The following ITGB4 variants were observed in gnomAD, a reference collection of about 807,000 sequenced individuals.
The protein encoded by ITGB4 is integrin subunit beta 4.
ITGB4 carries 159 observed loss-of-function variants against 207.6 expected under a neutral mutation model. That is an observed-to-expected ratio of 0.77 (90% CI 0.67 to 0.87). ITGB4 has a LOEUF of 0.87. Among genes scored for constraint, ITGB4 ranks in the 40% least tolerant of loss-of-function variants. The pLI, the probability that ITGB4 is intolerant of heterozygous loss-of-function variation, is 0.00. For missense variants in ITGB4, 2,278 were observed against 2,546.8 expected (o/e 0.89, Z 2.27); for synonymous variants, 1,020 against 1,062.7 (o/e 0.96, Z 0.78).
In ITGB4 at chr17:75,727,314, G is replaced by T. The variant is rs1316407048; in HGVS notation, c.162+37G>T. On this transcript the variant is annotated intron_variant, in intron 3 of 39. Transcript: ENST00000200181. The surrounding 1 kb of genome is among the most constrained non-coding windows in gnomAD (Gnocchi z 6.0). ...GCCCGGGTTGGTGTGGAACAGGCAAGGGTCGGGAATAGCTGGTGGAAATGA... is the reference window on the plus strand; with the variant it reads ...GCCCGGGTTGGTGTGGAACAGGCAATGGTCGGGAATAGCTGGTGGAAATGA... The T allele has an allele frequency of 8.7e-6, 14 of 1,612,824 alleles. No homozygotes were observed. The highest frequency in any genetic ancestry group is 1.2e-5 in the Non-Finnish European group (14 of 1,179,248).
chr17:75,728,433 G>A lies in ITGB4; in HGVS notation c.526G>A (p.Asp176Asn). The change falls in exon 6 of 40, where the codon GAC (aspartate) becomes AAC (asparagine). Residue 176 changes from aspartate to asparagine, a missense_variant. Transcript: ENST00000200181. ...DYTIGFGKFVDKVSVPQTDMR... is the reference protein window; with the variant it reads ...DYTIGFGKFVNKVSVPQTDMR... ...CACTATTGGATTTGGCAAGTTTGTGGACAAAGTCAGCGTCCCGCAGACGGA... is the reference window on the plus strand; with the variant it reads ...CACTATTGGATTTGGCAAGTTTGTGAACAAAGTCAGCGTCCCGCAGACGGA... The A allele has an allele frequency of 1.2e-6, 2 of 1,614,160 alleles. No homozygotes were observed. The highest frequency in any genetic ancestry group is 1.7e-6 in the Non-Finnish European group (2 of 1,180,022).
At chr17:75,749,375 C>A (rs568109054) in intron 27 of ITGB4, among the ~76,000 whole-genome samples, 1 of 151,272 alleles carries the variant, frequency 6.6e-6, no homozygotes, top group African/African-American at 2.4e-5. Context: ...AAAAAATAAA[C>A]AAATTAGCTT....
chr17:75,739,953 GC>G lies in ITGB4; in HGVS notation c.2331del (p.Met778CysfsTer56), dbSNP rs1232377232. The G allele has an allele frequency of 1.5e-5, 25 of 1,613,164 alleles. No homozygotes were observed. Among genetic ancestry groups the G allele is most frequent in the Non-Finnish European group, 2.0e-5 (24 of 1,180,036 alleles). On this transcript the variant is annotated frameshift_variant, in exon 20 of 40. Coordinates refer to ENST00000200181, the MANE Select transcript of ITGB4 (RefSeq NM_000213.5). LOFTEE classifies it high-confidence loss of function. This position sits in a 1 kb window ranked among gnomAD's most constrained non-coding sequence, Gnocchi z 5.4. ...TGATGGCCTCTGACCACTTGGACAC[GC>G]CCATGCTGCGCAGCGGGAACCTCAA... ...NLMASDHLDT[P>X]MLRSGNLKGR...
chr17:75,750,585 G>C lies in ITGB4; in HGVS notation c.3475-95G>C. 8.7e-7 allele frequency: 1 copy of C among 1,152,740 alleles called. No homozygotes were observed. The highest frequency in any genetic ancestry group is 1.3e-5 in the South Asian group (1 of 77,420). The allele number at this position is 1,152,740 out of a possible 1,614,324, so 71.4% of individuals were successfully genotyped here. A position where few individuals can be genotyped will look rare whatever the true frequency, so the allele number is the denominator to read the frequency against. Reference sequence around the variant, plus strand: ...AGCCCCTCCCTCGGGCCTCATCTGTGCAAAGAGGACAGTAAGGGCAGAGGT... The same window carrying C: ...AGCCCCTCCCTCGGGCCTCATCTGTCCAAAGAGGACAGTAAGGGCAGAGGT... On this transcript the variant is annotated intron_variant, in intron 28 of 39. Coordinates refer to ENST00000200181, the MANE Select transcript of ITGB4 (RefSeq NM_000213.5). The surrounding 1 kb of genome is among the most constrained non-coding windows in gnomAD (Gnocchi z 5.5).
intron 27 of ITGB4, 99 bp downstream of exon 27, chr17:75,749,144 G>A (rs946172571): frequency 1.3e-5 from 12 of 947,046 alleles, no homozygotes; most frequent in South Asian, 2.8e-5. Flanking sequence ...AACACAGGAC[G>A]CCCAGGTAAA....
Position 75,732,104 on chromosome 17 carries a change from GT to G in ITGB4, c.1378-58del. The G allele has an allele frequency of 6.2e-7, 1 of 1,608,152 alleles. No individual in the cohort carries two copies. The highest frequency in any genetic ancestry group is 8.5e-7 in the Non-Finnish European group (1 of 1,175,022). On this transcript the variant is annotated intron_variant, in intron 11 of 39. Transcript: ENST00000200181. The surrounding 1 kb of genome is among the most constrained non-coding windows in gnomAD (Gnocchi z 5.3). ...CCGAGGCACACAGGAGAGCGGAAGTGTCCAGTGGCCCCGGTCCTGCTCCCCC... is the reference window on the plus strand; with the variant it reads ...CCGAGGCACACAGGAGAGCGGAAGTGCCAGTGGCCCCGGTCCTGCTCCCCC...
chr17:75,748,197 CAAAAAAAAA>C (rs57537115), intron 26 of ITGB4, among the ~76,000 whole-genome samples: 4,638 of 78,660 alleles, frequency 0.059, 292 homozygotes, highest in African/African-American at 0.21. Flanking sequence ...CGTGCCTCTA[CAAAAAAAAA>C]AAAAAAAAAA....
chr17:75,742,449 C>T lies in ITGB4; in HGVS notation c.2742C>T (p.Leu914=), dbSNP rs1463514592. The T allele has an allele frequency of 1.9e-6, 3 of 1,613,122 alleles. No homozygotes were observed. The African/African-American group carries it at 4.0e-5, about 22-fold the overall frequency. Residue 914 remains leucine (L), a synonymous_variant, in exon 24 of 40, where the codon CTC becomes CTT. Coordinates refer to ENST00000200181, the MANE Select transcript of ITGB4 (RefSeq NM_000213.5). This position sits in a 1 kb window ranked among gnomAD's most constrained non-coding sequence, Gnocchi z 5.9. ...KQVEQRAFHD[L]KVAPGYYTLT... ...TGGAACAGAGGGCCTTCCACGACCT[C>T]AAGGTGGCCCCCGGCTACTACACCC...
Position 75,728,423 on chromosome 17 carries a change from C to T in ITGB4, c.516C>T (p.Gly172=). Reference sequence around the variant, plus strand: ...CCAGCGACTACACTATTGGATTTGGCAAGTTTGTGGACAAAGTCAGCGTCC... The same window carrying T: ...CCAGCGACTACACTATTGGATTTGGTAAGTTTGTGGACAAAGTCAGCGTCC... ...QLTSDYTIGF[G]KFVDKVSVPQ... Residue 172 remains glycine (G), a synonymous_variant, in exon 6 of 40, where the codon GGC becomes GGT. Coordinates refer to ENST00000200181, the MANE Select transcript of ITGB4 (RefSeq NM_000213.5). 1 of 1,614,134 alleles carries T rather than the reference C, an allele frequency of 6.2e-7. No homozygotes were observed. Among genetic ancestry groups the T allele is most frequent in the Non-Finnish European group, 8.5e-7 (1 of 1,179,994 alleles).
Position 75,742,387 on chromosome 17 carries a change from G to A in ITGB4, c.2680G>A (p.Ala894Thr), listed in dbSNP as rs1449193188. The A allele has an allele frequency of 1.2e-6, 2 of 1,613,346 alleles. No homozygotes were observed. The highest frequency in any genetic ancestry group is 1.1e-5 in the South Asian group (1 of 91,080). The stretch of plus-strand genomic sequence containing the variant: ...CACAGTGCTGATGGCGCCCCGCTCG[G>A]CCAAGCCGGCCCTGCTGAAGCTTAC... ...VDTVLMAPRSAKPALLKLTEK... is the reference protein window; with the variant it reads ...VDTVLMAPRSTKPALLKLTEK... Residue 894 changes from alanine to threonine, a missense_variant, in exon 24 of 40, where the codon GCC (alanine) becomes ACC (threonine). By Grantham distance (58) the Ala-to-Thr change is moderately conservative. Coordinates refer to ENST00000200181, the MANE Select transcript of ITGB4 (RefSeq NM_000213.5). The surrounding 1 kb of genome is among the most constrained non-coding windows in gnomAD (Gnocchi z 5.9).
chr17:75,731,688 G>A lies in ITGB4; in HGVS notation c.1216-124G>A. The stretch of plus-strand genomic sequence containing the variant: ...GAGTTTCCAGCCCTGAGGGAGGTGA[G>A]CAGGAGCTCATTTCAGGGATCCAGA... On this transcript the variant is annotated intron_variant, in intron 10 of 39. Coordinates refer to ENST00000200181, the MANE Select transcript of ITGB4 (RefSeq NM_000213.5). The surrounding 1 kb of genome is among the most constrained non-coding windows in gnomAD (Gnocchi z 6.8). 1 of 1,083,506 alleles carries A rather than the reference G, an allele frequency of 9.2e-7. No homozygotes were observed. The highest frequency in any genetic ancestry group is 1.3e-6 in the Non-Finnish European group (1 of 772,788). 67.1% of individuals were successfully genotyped at this position (1,083,506 alleles called of 1,614,324 possible).
chr17:75,757,454 G>A lies in ITGB4; in HGVS notation c.5368G>A (p.Gly1790Ser), dbSNP rs202129173. The change falls in exon 40 of 40, where the codon GGC (glycine) becomes AGC (serine). Residue 1790 changes from glycine to serine, a missense_variant. Gly to Ser is a moderately conservative substitution (Grantham distance 56, BLOSUM62 0). Transcript: ENST00000200181. Reference sequence around the variant, plus strand: ...GGGGGCCCAGCACCTGGAGGCAGGCGGCTCCCTCACCCGGCATGTGACCCA... The same window carrying A: ...GGGGGCCCAGCACCTGGAGGCAGGCAGCTCCCTCACCCGGCATGTGACCCA... ...TLGAQHLEAG[G>S]SLTRHVTQEF... 94 of 1,612,310 alleles carry A rather than the reference G, an allele frequency of 5.8e-5. 1 individual carries two copies. Among genetic ancestry groups the A allele is most frequent in the East Asian group, 3.3e-4 (15 of 44,838 alleles).
At chr17:75,749,946 C>G (rs369559429) in intron 27 of ITGB4, among the ~76,000 whole-genome samples, 165 bp from the exon 28 acceptor site, 13 of 152,352 alleles carry the variant, frequency 8.5e-5, no homozygotes, top group African/African-American at 3.1e-4. Flanking sequence ...GCAGGATGCT[C>G]TATGTGGCAG....
intron 32 of ITGB4, 127 bp from the exon 33 acceptor site, chr17:75,753,638 C>A: frequency 1.7e-6 from 1 of 582,052 alleles, no homozygotes; most frequent in Non-Finnish European, 2.5e-6. Context: ...CCGCCCCCAA[C>A]ACACACCCCG....
rs1479775424 is a variant in ITGB4, at chr17:75,732,274, C to A, written c.1454+35C>A. 5.6e-6 allele frequency: 9 copies of A among 1,597,502 alleles called. No homozygotes were observed. The South Asian group carries it at 9.9e-5, about 18-fold the overall frequency. ...GAAGGGAGTTGGGCACCCAGGACAC[C>A]AGTGGCCCCTGATGGGAAAGCTGGG... On this transcript the variant is annotated intron_variant, in intron 12 of 39. Coordinates refer to ENST00000200181, the MANE Select transcript of ITGB4 (RefSeq NM_000213.5). The surrounding 1 kb of genome is among the most constrained non-coding windows in gnomAD (Gnocchi z 5.3).
chr17:75,723,177 C>T (rs62088208), intron 1 of ITGB4, among the ~76,000 whole-genome samples: 3 of 152,056 alleles, frequency 2.0e-5, no homozygotes, highest in African/African-American at 7.2e-5. Context: ...GTGCTGTCCG[C>T]GGGATGGGGA....
At chr17:75,724,541 C>T (rs1007414449) in intron 1 of ITGB4, among the ~76,000 whole-genome samples, 153 bp from the exon 2 acceptor site, 6 of 152,242 alleles carry the variant, frequency 3.9e-5, no homozygotes, top group Non-Finnish European at 5.9e-5. Context: ...GGCAGGAGTC[C>T]GAGGCCCAGG....
rs141953294 is a variant in ITGB4, at chr17:75,742,633, G to A, written c.2834G>A (p.Arg945Gln). 9.9e-5 allele frequency: 159 copies of A among 1,613,912 alleles called. No individual in the cohort carries two copies. Among genetic ancestry groups the A allele is most frequent in the Admixed American group, 2.0e-4 (12 of 60,000 alleles). ...GAGGGCGTGGAGCTGGTGGACGTAC[G>A]GGTGCCCCTCTTTATCCGGCCTGAG... is the stretch of plus-strand genomic sequence containing the variant. ...FQEGVELVDV[R>Q]VPLFIRPEDD... The change falls in exon 25 of 40, where the codon CGG (arginine) becomes CAG (glutamine). Residue 945 changes from arginine to glutamine, a missense_variant. By Grantham distance (43) the Arg-to-Gln change is conservative. Coordinates refer to ENST00000200181, the MANE Select transcript of ITGB4 (RefSeq NM_000213.5). This position sits in a 1 kb window ranked among gnomAD's most constrained non-coding sequence, Gnocchi z 5.9.
chr17:75,724,568 C>A, intron 1 of ITGB4, 126 bp from the exon 2 acceptor site: 1 of 794,084 alleles, frequency 1.3e-6, no homozygotes. Flanking sequence ...CCTCTGGCGG[C>A]TGGGCGCCCT....
Sources: allele counts gnomAD v4.1 joint callset (sites outside exome capture counted in the v4.1 genomes callset), GRCh38; gene constraint gnomAD v4.1.1; non-coding constraint Gnocchi (gnomAD v3.1); transcripts MANE v1.5; gene names NCBI Gene and HGNC (gene_info 2026-07-23, HGNC 2026-07-21).